Variants in DYNC2H1 observed in about 807,000 individuals in gnomAD.
DYNC2H1 encodes the protein dynein cytoplasmic 2 heavy chain 1, also known as cytoplasmic dynein 2 heavy chain 1.
Under a neutral mutation model 570.0 loss-of-function variants are expected in DYNC2H1, and 410 were observed. The observed-to-expected ratio is 0.72, with a 90% CI of 0.66 to 0.78. The LOEUF is 0.78. Among genes scored for constraint, DYNC2H1 ranks in the 30% least tolerant of loss-of-function variants. The pLI is 0.00. For synonymous variants in DYNC2H1, 1,688 were observed against 1,677.6 expected (o/e 1.01, Z -0.15); for missense variants, 4,865 against 5,046.4 (o/e 0.96, Z 1.09).
chr11:103,395,672 A>G lies in DYNC2H1; in HGVS notation c.12157-3991A>G, dbSNP rs1328480778. Among the ~76,000 whole-genome samples, 1 of 152,010 alleles carries G rather than the reference A, an allele frequency of 6.6e-6. No homozygotes were observed. The highest frequency in any genetic ancestry group is 2.4e-5 in the African/African-American group (1 of 41,410). On this transcript the variant is annotated intron_variant, in intron 83 of 88. Transcript: ENST00000375735. This position sits in a 1 kb window ranked among gnomAD's most constrained non-coding sequence, Gnocchi z 4.3. Reference sequence around the variant, plus strand: ...CCCAGCAGAATTCTTACCACATTTCATTGTCTCTGTTTGGTCATGCTGCCA... The same window carrying G: ...CCCAGCAGAATTCTTACCACATTTCGTTGTCTCTGTTTGGTCATGCTGCCA...
In DYNC2H1 at chr11:103,129,128, A is replaced by G. The variant is rs140964819; in HGVS notation, c.1953+123A>G. On this transcript the variant is annotated intron_variant, in intron 13 of 88. Transcript: ENST00000375735. The surrounding 1 kb of genome is among the most constrained non-coding windows in gnomAD (Gnocchi z 4.1). The stretch of plus-strand genomic sequence containing the variant: ...TCTAGATTTTGTTTTGCTTCCAGGG[A>G]CTTCCTTCAATCTTAGCAAGTAAAA... 126 of 719,868 alleles carry G rather than the reference A, an allele frequency of 1.8e-4. No homozygotes were observed. In the African/African-American group the frequency reaches 2.1e-3, roughly 12 times the overall value. The allele number at this position is 719,868 out of a possible 1,614,324, so 44.6% of individuals were successfully genotyped here.
At chr11:103,259,042 C>T (rs1027282814) in intron 69 of DYNC2H1, among the ~76,000 whole-genome samples, 5 of 152,180 alleles carry the variant, frequency 3.3e-5, no homozygotes, top group Admixed American at 2.0e-4. Context: ...ATAATGTTTT[C>T]TTTATACCAA....
chr11:103,378,405 AT>A (rs886836241), intron 83 of DYNC2H1, among the ~76,000 whole-genome samples: 9 of 152,188 alleles, frequency 5.9e-5, no homozygotes, highest in African/African-American at 1.9e-4. Flanking sequence ...AGCCCTTACC[AT>A]TTTTTTAAAG....
At position 103,191,628 on chromosome 11, in the gene DYNC2H1, T is replaced by C; in HGVS notation, c.7540+9T>C. 1.3e-6 allele frequency: 2 copies of C among 1,582,660 alleles called. No homozygotes were observed. Among genetic ancestry groups the C allele is most frequent in the Non-Finnish European group, 1.7e-6 (2 of 1,157,744 alleles). On this transcript the variant is annotated intron_variant, in intron 46 of 88. Transcript: ENST00000375735. ...ATATGATTTAGAAGGAGGTGAGTTT[T>C]GCTAGTGTGTATCTTGTGTGTGTGT...
At chr11:103,236,178 T>C (rs940375787) in intron 62 of DYNC2H1, among the ~76,000 whole-genome samples, 5 of 151,996 alleles carry the variant, frequency 3.3e-5, no homozygotes, top group African/African-American at 1.2e-4. Context: ...ATGTTAGTGG[T>C]ATTTTACAAA....
intron 75 of DYNC2H1, among the ~76,000 whole-genome samples, chr11:103,291,283 C>A (rs1366131123): frequency 6.6e-6 from 1 of 151,868 alleles, no homozygotes; most frequent in African/African-American, 2.4e-5. Context: ...ACTAAAAATA[C>A]AAAAATTATC....
chr11:103,273,729 A>C (rs1865798108), intron 70 of DYNC2H1, among the ~76,000 whole-genome samples: 1 of 152,164 alleles, frequency 6.6e-6, no homozygotes, highest in African/African-American at 2.4e-5. Flanking sequence ...CAGCTTAGAA[A>C]ATTAAGGAAG....
intron 80 of DYNC2H1, among the ~76,000 whole-genome samples, chr11:103,318,227 A>G (rs1937970578): frequency 6.6e-6 from 1 of 152,182 alleles, no homozygotes; most frequent in Admixed American, 6.5e-5. Flanking sequence ...CCACGTAGCC[A>G]GCACCTTAAT....
chr11:103,397,400 A>G (rs548767663), intron 83 of DYNC2H1, among the ~76,000 whole-genome samples: 4 of 152,312 alleles, frequency 2.6e-5, no homozygotes, highest in South Asian at 2.1e-4. Flanking sequence ...TCGTTGTAAC[A>G]TACTCATTTT....
rs900171930 is a variant in DYNC2H1 at position 103,439,658 on chromosome 11, C to T, written c.12456+3626C>T. On this transcript the variant is annotated intron_variant, in intron 85 of 88. Coordinates refer to ENST00000375735, the MANE Select transcript of DYNC2H1 (RefSeq NM_001377.3). The surrounding 1 kb of genome is among the most constrained non-coding windows in gnomAD (Gnocchi z 4.1). ...ATAGATCCCCTAGGTATCCAAGGAA[C>T]CTGAGCCACAGAGAGTCTTGCAGGC... Among the ~76,000 whole-genome samples, 4 of 151,992 alleles carry T rather than the reference C, an allele frequency of 2.6e-5. No individual in the cohort carries two copies. Among genetic ancestry groups the T allele is most frequent in the Non-Finnish European group, 5.9e-5 (4 of 67,992 alleles).
chr11:103,169,663 A>G (rs1050761653), intron 32 of DYNC2H1, among the ~76,000 whole-genome samples: 51 of 152,330 alleles, frequency 3.3e-4, no homozygotes, highest in African/African-American at 1.2e-3. Context: ...TTGATAAATT[A>G]CATGATTAAT....
rs1350011645 is a variant in DYNC2H1, at chr11:103,109,529, C to G, written c.-46C>G. On this transcript the variant is annotated 5_prime_UTR_variant, in exon 1 of 89. Coordinates refer to ENST00000375735, the MANE Select transcript of DYNC2H1 (RefSeq NM_001377.3). ...CCTTCACTTCCCTCCGGACTGGTTT[C>G]TTCTTCCTTCCCCCTTCCCCCAACT... 2 of 1,571,298 alleles carry G rather than the reference C, an allele frequency of 1.3e-6. No homozygotes were observed. Among genetic ancestry groups the G allele is most frequent in the Non-Finnish European group, 1.7e-6 (2 of 1,151,074 alleles).
intron 59 of DYNC2H1, among the ~76,000 whole-genome samples, chr11:103,227,925 C>G (rs984547999): frequency 6.6e-6 from 1 of 152,166 alleles, no homozygotes; most frequent in South Asian, 2.1e-4. Context: ...GTCCTTTTAT[C>G]GTTATATAAT....
At chr11:103,313,558 CAA>C (rs1867691415) in intron 79 of DYNC2H1, among the ~76,000 whole-genome samples, 1 of 152,146 alleles carries the variant, frequency 6.6e-6, no homozygotes, top group Non-Finnish European at 1.5e-5. Flanking sequence ...CATGTCAAAA[CAA>C]GAGCATAGGT....
Position 103,324,921 on chromosome 11 carries a change from G to A in DYNC2H1, c.12039+931G>A, listed in dbSNP as rs532664725. 3.4e-4 allele frequency among the ~76,000 whole-genome samples: 52 copies of A among 152,204 alleles called. No individual in the cohort carries two copies. The East Asian group carries it at 4.1e-3, about 12-fold the overall frequency. The stretch of plus-strand genomic sequence containing the variant: ...ATAGCCAGTCTGATGGGCATGAGAT[G>A]GTATCTCATTGTGGTTTTGATTTGC... On this transcript the variant is annotated intron_variant, in intron 82 of 88. Coordinates refer to ENST00000375735, the MANE Select transcript of DYNC2H1 (RefSeq NM_001377.3). The surrounding 1 kb of genome is among the most constrained non-coding windows in gnomAD (Gnocchi z 5.2).
chr11:103,475,453 C>G (rs921798910), intron 88 of DYNC2H1, among the ~76,000 whole-genome samples: 1 of 152,072 alleles, frequency 6.6e-6, no homozygotes, highest in Non-Finnish European at 1.5e-5. Flanking sequence ...AAGGAGTATT[C>G]AAAGAACTTC....
intron 80 of DYNC2H1, among the ~76,000 whole-genome samples, chr11:103,317,178 G>C (rs895847954): frequency 3.3e-5 from 5 of 152,018 alleles, no homozygotes; most frequent in African/African-American, 9.7e-5. Context: ...TTAGAGAATA[G>C]AGTATGTTGA....
chr11:103,304,356 G>A lies in DYNC2H1; in HGVS notation c.11257-239G>A, dbSNP rs962494049. On this transcript the variant is annotated intron_variant, in intron 76 of 88. Coordinates refer to ENST00000375735, the MANE Select transcript of DYNC2H1 (RefSeq NM_001377.3). ...TTATCAGTGAGGGATCTTAGGAAGG[G>A]GAGCTCTACAGATTGTACCTGTTAC... Among the ~76,000 whole-genome samples, 13 of 152,142 alleles carry A rather than the reference G, an allele frequency of 8.5e-5. No individual in the cohort carries two copies. In the East Asian group the frequency reaches 2.5e-3, roughly 29 times the overall value.
intron 84 of DYNC2H1, chr11:103,408,298 T>C (rs574364704): frequency 1.3e-5 from 2 of 152,052 alleles, no homozygotes; most frequent in Non-Finnish European, 2.9e-5. Flanking sequence ...TAGCCTAAGA[T>C]TTTTTGTTCA....
Sources: allele counts gnomAD v4.1 joint callset (sites outside exome capture counted in the v4.1 genomes callset), GRCh38; gene constraint gnomAD v4.1.1; non-coding constraint Gnocchi (gnomAD v3.1); transcripts MANE v1.5; gene names NCBI Gene and HGNC (gene_info 2026-07-23, HGNC 2026-07-21).